The following CHKA variants were observed in gnomAD, a reference collection of about 807,000 sequenced individuals.
CHKA encodes the protein choline kinase alpha.
A neutral mutation model predicts 60.1 loss-of-function variants in CHKA; 34 were observed. That is an observed-to-expected ratio of 0.57 (90% confidence interval 0.43 to 0.75). CHKA has a LOEUF of 0.75. Ranked by LOEUF, CHKA falls within the 30% of genes least tolerant of loss-of-function variation. CHKA has a pLI of 0.00. For missense variants in CHKA, 563 were observed against 561.3 expected (o/e 1.00, Z -0.03); for synonymous variants, 217 against 223.1 (o/e 0.97, Z 0.24).
At chr11:68,090,993 T>G (rs1590864154) in intron 2 of CHKA, among the ~76,000 whole-genome samples, 1 of 152,340 alleles carries the variant, frequency 6.6e-6, no homozygotes, top group Non-Finnish European at 1.5e-5. Flanking sequence ...ATTTGTGTCT[T>G]CCACAATTCA....
chr11:68,091,757 TGA>T (rs1199218780), intron 2 of CHKA, among the ~76,000 whole-genome samples: 1 of 151,930 alleles, frequency 6.6e-6, no homozygotes, highest in Admixed American at 6.6e-5. Context: ...TGAAGAAAAA[TGA>T]GAAAGTTGAG....
chr11:68,057,335 TTTGAGACGGAGTCTCA>T (rs1267751040), intron 11 of CHKA, among the ~76,000 whole-genome samples: 2 of 152,226 alleles, frequency 1.3e-5, no homozygotes, highest in Non-Finnish European at 2.9e-5. Flanking sequence ...TTTTTTCTTT[TTTGAGACGGAGTCTCA>T]TTCTGTCGCC....
Position 68,120,857 on chromosome 11 carries a change from G to C in CHKA, c.321C>G (p.Arg107=). ...EFLPGAWRGL[R]EDEFHISVIR... ...TGACACTGATGTGGAACTCGTCCTC[G>C]CGGAGGCCCCGCCAGGCGCCGGGCA... The change falls in exon 1 of 12, where the codon CGC becomes CGG. Residue 107 remains arginine (R), a synonymous_variant. Coordinates refer to ENST00000265689, the MANE Select transcript of CHKA (RefSeq NM_001277.3). 2.2e-6 allele frequency: 3 copies of C among 1,341,258 alleles called. No individual in the cohort carries two copies. The highest frequency in any genetic ancestry group is 2.9e-6 in the Non-Finnish European group (3 of 1,030,678). The allele number at this position is 1,341,258 out of a possible 1,614,324, so 83.1% of individuals were successfully genotyped here. A position where few individuals can be genotyped will look rare whatever the true frequency, so the allele number is the denominator to read the frequency against.
intron 1 of CHKA, among the ~76,000 whole-genome samples, chr11:68,100,604 C>CATAAATAAATAAATAA (rs71461687): frequency 4.1e-4 from 27 of 65,542 alleles, no homozygotes; most frequent in African/African-American, 1.2e-3. Context: ...TAAATAAATA[C>CATAAATAAATAAATAA]ATAAATAAAT....
intron 8 of CHKA, 60 bp from the exon 9 acceptor site, chr11:68,065,954 T>C: frequency 8.3e-7 from 1 of 1,208,648 alleles, no homozygotes; most frequent in East Asian, 2.4e-5. Context: ...GGAGGCTCCC[T>C]GACTGCAGAA....
chr11:68,100,392 C>A (rs925804316), intron 1 of CHKA, among the ~76,000 whole-genome samples: 17 of 151,980 alleles, frequency 1.1e-4, no homozygotes, highest in Non-Finnish European at 2.4e-4. Flanking sequence ...GAGTTCAAGA[C>A]CAGCCTGGCC....
In CHKA at chr11:68,121,301, T is replaced by C. The variant is rs1285908123; in HGVS notation, c.-124A>G. ...CCGGCGGGGCAGGGGGCCGCGGCGG[T>C]TGGGCGCGCGGGGCGGCGGCGGCGG... is the stretch of plus-strand genomic sequence containing the variant. On this transcript the variant is annotated 5_prime_UTR_variant, in exon 1 of 12. Transcript: ENST00000265689. The C allele has an allele frequency of 3.9e-6, 3 of 770,080 alleles. No homozygotes were observed. The highest frequency in any genetic ancestry group is 1.0e-4 in the East Asian group (1 of 9,896). The allele number at this position is 770,080 out of a possible 1,614,324, so 47.7% of individuals were successfully genotyped here.
intron 5 of CHKA, 117 bp downstream of exon 5, chr11:68,070,607 G>C (rs1856584727): frequency 9.3e-7 from 1 of 1,077,148 alleles, no homozygotes; most frequent in East Asian, 2.4e-5. Context: ...CTGACACCCT[G>C]CACTTCAGTG....
chr11:68,101,876 G>T (rs1857739411), intron 1 of CHKA, among the ~76,000 whole-genome samples: 1 of 152,066 alleles, frequency 6.6e-6, no homozygotes, highest in Non-Finnish European at 1.5e-5. Context: ...GAGGTGGGCT[G>T]ATCACCTGAG....
At chr11:68,105,387 C>T (rs563869228) in intron 1 of CHKA, among the ~76,000 whole-genome samples, 1 of 150,600 alleles carries the variant, frequency 6.6e-6, no homozygotes, top group South Asian at 2.1e-4. Context: ...TGGTGGCAGA[C>T]ACCTATAGTC....
intron 7 of CHKA, among the ~76,000 whole-genome samples, chr11:68,067,591 A>T (rs2134526216): frequency 6.6e-6 from 1 of 152,088 alleles, no homozygotes; most frequent in Non-Finnish European, 1.5e-5. Context: ...TAACAGTCTC[A>T]AAAAAAAGGC....
At chr11:68,104,899 G>A (rs779637332) in intron 1 of CHKA, among the ~76,000 whole-genome samples, 29 of 149,858 alleles carry the variant, frequency 1.9e-4, no homozygotes, top group Non-Finnish European at 1.2e-4. Flanking sequence ...GAGGTCAGGA[G>A]TTCAAGACCA....
chr11:68,113,422 C>T (rs1341597604), intron 1 of CHKA, among the ~76,000 whole-genome samples: 1 of 152,128 alleles, frequency 6.6e-6, no homozygotes, highest in African/African-American at 2.4e-5. Context: ...CCTGACTGGG[C>T]GCGGTGGTTC....
intron 2 of CHKA, among the ~76,000 whole-genome samples, chr11:68,085,872 T>G (rs749515372): frequency 1.4e-4 from 21 of 152,078 alleles, no homozygotes; most frequent in Non-Finnish European, 2.9e-4. Context: ...CAAGCGATTC[T>G]CCCACCTCAG....
chr11:68,061,095 GTTTTTTTTTTTT>G (rs757176198), intron 11 of CHKA, among the ~76,000 whole-genome samples: 30 of 70,842 alleles, frequency 4.2e-4, no homozygotes, highest in African/African-American at 1.7e-3. Flanking sequence ...GTCAGTGACA[GTTTTTTTTTTTT>G]TTTTTTTTTT....
chr11:68,118,004 A>C (rs1411625469), intron 1 of CHKA, among the ~76,000 whole-genome samples: 1 of 152,210 alleles, frequency 6.6e-6, no homozygotes, highest in Non-Finnish European at 1.5e-5. Context: ...CTGCTGCTAC[A>C]AACGCAGAGC....
intron 1 of CHKA, among the ~76,000 whole-genome samples, chr11:68,113,637 G>A (rs925731788): frequency 3.9e-5 from 6 of 152,154 alleles, no homozygotes; most frequent in Non-Finnish European, 5.9e-5. Context: ...GGAGGTTGCA[G>A]TGAGCCAAGA....
intron 2 of CHKA, among the ~76,000 whole-genome samples, chr11:68,095,727 A>AAAC (rs1857488723): frequency 1.4e-5 from 2 of 142,804 alleles, no homozygotes; most frequent in South Asian, 4.6e-4. Flanking sequence ...AAAAAAAAAA[A>AAAC]AAAAAAACAA....
chr11:68,086,375 G>A (rs1857178562), intron 2 of CHKA, among the ~76,000 whole-genome samples: 1 of 152,160 alleles, frequency 6.6e-6, no homozygotes, highest in Admixed American at 6.5e-5. Context: ...CAAGGAGGAA[G>A]AGATGTCCCT....
Sources: allele counts gnomAD v4.1 joint callset (sites outside exome capture counted in the v4.1 genomes callset), GRCh38; gene constraint gnomAD v4.1.1; transcripts MANE v1.5; gene names NCBI Gene and HGNC (gene_info 2026-07-23, HGNC 2026-07-21).